The following NDFIP2 variants were observed in gnomAD, a reference collection of about 807,000 sequenced individuals.
NDFIP2 encodes NEDD4 family-interacting protein 2.
NDFIP2 carries 19 observed loss-of-function variants against 36.0 expected under a neutral mutation model. The observed-to-expected ratio is 0.53, with a 90% confidence interval of 0.37 to 0.77. The LOEUF (loss-of-function observed/expected upper bound fraction) is 0.77, where lower values mean the gene tolerates loss of function less well. NDFIP2 is among the 30% of genes least tolerant of loss of function. The pLI is 0.00. For missense variants in NDFIP2, 446 were observed against 435.8 expected (o/e 1.02, Z -0.21); for synonymous variants, 181 against 167.7 (o/e 1.08, Z -0.61).
chr13:79,494,977 C>A (rs977655725), intron 1 of NDFIP2, among the ~76,000 whole-genome samples: 1 of 151,546 alleles, frequency 6.6e-6, no homozygotes, highest in South Asian at 2.1e-4. Flanking sequence ...TTCTGTTGTT[C>A]TGTGTTACTG....
At chr13:79,529,880 G>A (rs970321898) in intron 2 of NDFIP2, among the ~76,000 whole-genome samples, 4 of 152,158 alleles carry the variant, frequency 2.6e-5, no homozygotes, top group African/African-American at 7.2e-5. Context: ...GAAGTAAAGC[G>A]AATATCTCAG....
chr13:79,511,850 G>A (rs536617527), intron 1 of NDFIP2, among the ~76,000 whole-genome samples: 24 of 152,244 alleles, frequency 1.6e-4, no homozygotes, highest in African/African-American at 4.8e-4. Flanking sequence ...GACCCCAGGG[G>A]CTCAGAAAGC....
intron 1 of NDFIP2, among the ~76,000 whole-genome samples, chr13:79,492,651 G>A (rs574407106): frequency 1.3e-3 from 201 of 152,180 alleles, no homozygotes; most frequent in African/African-American, 4.5e-3. Context: ...TTCCCAAAGT[G>A]CTGGGATTAC....
chr13:79,544,489 CTAGTTTTTTTTTTT>C (rs1270981073), intron 5 of NDFIP2, among the ~76,000 whole-genome samples: 1 of 147,478 alleles, frequency 6.8e-6, no homozygotes, highest in Non-Finnish European at 1.5e-5. Flanking sequence ...ATGTTTCTTC[CTAGTTTTTTTTTTT>C]TTTAACTGTA....
chr13:79,487,474 T>C (rs1873048835), intron 1 of NDFIP2, among the ~76,000 whole-genome samples: 1 of 152,224 alleles, frequency 6.6e-6, no homozygotes. Context: ...AGCTGTTATA[T>C]TCTTGTACAA....
intron 2 of NDFIP2, among the ~76,000 whole-genome samples, chr13:79,525,090 C>T (rs142754902): frequency 4.4e-4 from 67 of 152,256 alleles, no homozygotes; most frequent in African/African-American, 1.5e-3. Flanking sequence ...ATTTTTTAGT[C>T]CAAACCTAAT....
intron 1 of NDFIP2, among the ~76,000 whole-genome samples, chr13:79,496,908 CCTGT>C (rs1566655159): frequency 1.3e-5 from 2 of 151,506 alleles, no homozygotes; most frequent in South Asian, 4.2e-4. Context: ...GCTGAGATTC[CCTGT>C]CTTTTAATTG....
chr13:79,543,771 TC>T, intron 5 of NDFIP2, 89 bp downstream of exon 5: 1 of 1,486,468 alleles, frequency 6.7e-7, no homozygotes, highest in Non-Finnish European at 9.1e-7. Context: ...CACTTTATTT[TC>T]ATGAATTCAG....
intron 2 of NDFIP2, among the ~76,000 whole-genome samples, chr13:79,527,262 T>C (rs1411723854): frequency 2.0e-5 from 3 of 152,194 alleles, no homozygotes; most frequent in African/African-American, 7.2e-5. Context: ...ACATTAAAAT[T>C]AGGTTTTTTG....
At position 79,530,306 on chromosome 13, in the gene NDFIP2, G is replaced by A. The variant is rs148949304; in HGVS notation, c.488-3017G>A. Among the ~76,000 whole-genome samples the A allele has an allele frequency of 9.7e-4, 147 of 152,172 alleles. 1 individual carries two copies. The highest frequency in any genetic ancestry group is 3.4e-3 in the Middle Eastern group (1 of 294). ...AAAAAAAATTAGTATTTTTAAAGAT[G>A]GAGTCTCCCCATGTTGCCCAGGCAG... On this transcript the variant is annotated intron_variant, in intron 2 of 7. Coordinates refer to ENST00000218652, the MANE Select transcript of NDFIP2 (RefSeq NM_019080.3).
rs537184933 is a variant in NDFIP2, at chr13:79,548,054, T to C, written c.841-274T>C. ...AATAAGAAAATGTGTGATTCAGACATACAGCATTTACTGTTTCTTGCGGGG... is the reference window on the plus strand; with the variant it reads ...AATAAGAAAATGTGTGATTCAGACACACAGCATTTACTGTTTCTTGCGGGG... On this transcript the variant is annotated intron_variant, in intron 5 of 7. Coordinates refer to ENST00000218652, the MANE Select transcript of NDFIP2 (RefSeq NM_019080.3). Among the ~76,000 whole-genome samples, 13 of 152,248 alleles carry C rather than the reference T, an allele frequency of 8.5e-5. No individual in the cohort carries two copies. In the South Asian group the frequency reaches 2.7e-3, roughly 32 times the overall value.
chr13:79,486,918 G>A (rs564611482), intron 1 of NDFIP2, among the ~76,000 whole-genome samples: 1 of 152,142 alleles, frequency 6.6e-6, no homozygotes, highest in Non-Finnish European at 1.5e-5. Context: ...TATGTAGTAG[G>A]CTATATATAC....
chr13:79,494,617 A>G (rs1873368783), intron 1 of NDFIP2, among the ~76,000 whole-genome samples: 2 of 151,956 alleles, frequency 1.3e-5, no homozygotes, highest in African/African-American at 4.8e-5. Context: ...TTGCTCTCTA[A>G]GCCTGATGCA....
rs190280150 is a variant in NDFIP2 at position 79,512,566 on chromosome 13, A to G, written c.322-8244A>G. On this transcript the variant is annotated intron_variant, in intron 1 of 7. Coordinates refer to ENST00000218652, the MANE Select transcript of NDFIP2 (RefSeq NM_019080.3). ...TCTTAAGGGATCAGAGGGCCAGGAA[A>G]AGGATTTAGGAATGTTGGCTTGGCA... is the stretch of plus-strand genomic sequence containing the variant. 2.0e-5 allele frequency among the ~76,000 whole-genome samples: 3 copies of G among 152,324 alleles called. No homozygotes were observed. In the East Asian group the frequency reaches 5.8e-4, roughly 29 times the overall value.
intron 1 of NDFIP2, 64 bp downstream of exon 1, chr13:79,481,588 TTCCTC>T: frequency 6.8e-7 from 1 of 1,474,044 alleles, no homozygotes; most frequent in East Asian, 2.5e-5. Flanking sequence ...GAGAGTCCCT[TTCCTC>T]AGGTTATTCC....
chr13:79,499,881 T>C (rs1873588738), intron 1 of NDFIP2, among the ~76,000 whole-genome samples: 2 of 151,896 alleles, frequency 1.3e-5, no homozygotes, highest in Non-Finnish European at 2.9e-5. Context: ...ATAATTTATA[T>C]GGAGAGGCAA....
chr13:79,548,609 G>A (rs377490157), intron 6 of NDFIP2, among the ~76,000 whole-genome samples: 6 of 151,884 alleles, frequency 4.0e-5, no homozygotes, highest in African/African-American at 7.2e-5. Flanking sequence ...AGTCAGTGGC[G>A]GGATGATAAT....
chr13:79,542,541 G>T (rs1875498912), intron 4 of NDFIP2, among the ~76,000 whole-genome samples: 1 of 150,064 alleles, frequency 6.7e-6, no homozygotes, highest in African/African-American at 2.5e-5. Context: ...CTAATAGTTT[G>T]GTGATGGTAT....
At chr13:79,495,417 G>C (rs1292174257) in intron 1 of NDFIP2, among the ~76,000 whole-genome samples, 1 of 151,776 alleles carries the variant, frequency 6.6e-6, no homozygotes, top group Non-Finnish European at 1.5e-5. Flanking sequence ...AGTGATCTTT[G>C]TCTTCAAGTC....
Sources: gnomAD v4.1 joint callset for allele counts (sites outside exome capture counted in the v4.1 genomes callset) on GRCh38, gnomAD v4.1.1 for gene constraint, MANE v1.5 for transcripts, NCBI Gene and HGNC (gene_info 2026-07-23, HGNC 2026-07-21) for gene names.